The following RAB38 variants were observed in gnomAD, a reference collection of about 807,000 sequenced individuals.
RAB38 encodes the protein ras-related protein Rab-38.
In RAB38, 15 loss-of-function variants were observed where a neutral mutation model predicts 18.4. That is an observed-to-expected ratio of 0.82 (90% CI 0.55 to 1.26). The LOEUF is 1.26. Ranked by LOEUF, RAB38 falls within the 50% of genes most tolerant of loss-of-function variation. The pLI is 0.00. For synonymous variants in RAB38, 101 were observed against 104.4 expected (o/e 0.97, Z 0.20); for missense variants, 294 against 267.4 (o/e 1.10, Z -0.69).
the RAB38 span, among the ~76,000 whole-genome samples, chr11:87,954,155 C>T: frequency 4.6e-5 from 7 of 151,980 alleles, no homozygotes; most frequent in Non-Finnish European, 1.0e-4. Context: ...AGTCTTGTGT[C>T]TGGTGGTTGA....
the RAB38 span, among the ~76,000 whole-genome samples, chr11:87,836,227 C>G: frequency 6.6e-6 from 1 of 152,084 alleles, no homozygotes; most frequent in Admixed American, 6.6e-5. Context: ...GACAATTTCA[C>G]CTCTGAAACA....
intron 2 of RAB38, among the ~76,000 whole-genome samples, chr11:88,123,729 T>C (rs1942657495): frequency 6.6e-6 from 1 of 152,354 alleles, no homozygotes; most frequent in East Asian, 1.9e-4. Flanking sequence ...TAATTTTCTT[T>C]GGCCTTACCT....
the RAB38 span, among the ~76,000 whole-genome samples, chr11:88,087,869 C>T: frequency 6.6e-6 from 1 of 151,932 alleles, no homozygotes; most frequent in East Asian, 2.0e-4. Context: ...GACCAGATCC[C>T]GTTTTGGTCA....
intron 2 of RAB38, among the ~76,000 whole-genome samples, chr11:88,148,756 C>T (rs302661): frequency 0.84 from 128,122 of 152,134 alleles, 54,289 homozygotes; most frequent in Middle Eastern, 0.93. Context: ...CTACAAACAT[C>T]TAATATTTGA....
At chr11:87,884,521 C>T in the RAB38 span, among the ~76,000 whole-genome samples, 16 of 151,912 alleles carry the variant, frequency 1.1e-4, no homozygotes, top group African/African-American at 3.9e-4. Flanking sequence ...TGGGCCTTCA[C>T]ATAGCAATGG....
At chr11:88,131,657 C>A (rs1272368210) in intron 2 of RAB38, among the ~76,000 whole-genome samples, 1 of 152,144 alleles carries the variant, frequency 6.6e-6, no homozygotes, top group East Asian at 1.9e-4. Context: ...TGTTACACAC[C>A]TTTTACTCTT....
At chr11:87,859,115 C>G in the RAB38 span, among the ~76,000 whole-genome samples, 1 of 151,500 alleles carries the variant, frequency 6.6e-6, no homozygotes, top group Non-Finnish European at 1.5e-5. Context: ...CACAATACCT[C>G]ACAATATACA....
chr11:87,820,854 A>G, the RAB38 span, among the ~76,000 whole-genome samples: 1 of 152,248 alleles, frequency 6.6e-6, no homozygotes, highest in South Asian at 2.1e-4. Context: ...AATAGTTTAA[A>G]TAGCACAGGT....
the RAB38 span, among the ~76,000 whole-genome samples, chr11:87,875,685 CTTAG>C: frequency 0.023 from 3,526 of 151,254 alleles, 69 homozygotes; most frequent in African/African-American, 0.06. Context: ...TTTTAATTTC[CTTAG>C]TTAGATTTTT....
At chr11:88,023,801 A>G in the RAB38 span, among the ~76,000 whole-genome samples, 1 of 152,222 alleles carries the variant, frequency 6.6e-6, no homozygotes, top group African/African-American at 2.4e-5. Context: ...GAAAAAATAC[A>G]ATCTCTTCAA....
the RAB38 span, among the ~76,000 whole-genome samples, chr11:88,031,326 G>T: frequency 2.0e-5 from 3 of 148,482 alleles, no homozygotes; most frequent in Non-Finnish European, 4.5e-5. Context: ...CACAAGACAG[G>T]GATGTCCTCT....
At chr11:87,960,527 C>T in the RAB38 span, among the ~76,000 whole-genome samples, 1 of 152,098 alleles carries the variant, frequency 6.6e-6, no homozygotes, top group Non-Finnish European at 1.5e-5. Context: ...GTGTCATGCA[C>T]TGTTTTCATT....
chr11:87,951,873 C>A, the RAB38 span, among the ~76,000 whole-genome samples: 1 of 152,126 alleles, frequency 6.6e-6, no homozygotes, highest in Non-Finnish European at 1.5e-5. Context: ...GCAGTCTGCC[C>A]GTTCTCAGAT....
the RAB38 span, among the ~76,000 whole-genome samples, chr11:87,862,497 G>GT: frequency 6.6e-6 from 1 of 151,828 alleles, no homozygotes; most frequent in South Asian, 2.1e-4. Context: ...AACACACACT[G>GT]GGGCCTATCA....
At chr11:87,948,591 A>T in the RAB38 span, among the ~76,000 whole-genome samples, 132 of 152,138 alleles carry the variant, frequency 8.7e-4, no homozygotes, top group African/African-American at 3.1e-3. Flanking sequence ...ATTTATTGAG[A>T]GTTTTTAGCA....
the RAB38 span, among the ~76,000 whole-genome samples, chr11:87,891,545 A>C: frequency 4.5e-4 from 69 of 151,920 alleles, no homozygotes; most frequent in Non-Finnish European, 7.8e-4. Context: ...AGGATCATCT[A>C]AAGAACCGAG....
At chr11:87,807,282 AT>A in the RAB38 span, among the ~76,000 whole-genome samples, 3 of 152,222 alleles carry the variant, frequency 2.0e-5, no homozygotes, top group Non-Finnish European at 4.4e-5. Context: ...CAAAATGCTA[AT>A]ACAAACAAAG....
At chr11:88,067,753 T>C in the RAB38 span, among the ~76,000 whole-genome samples, 54 of 151,834 alleles carry the variant, frequency 3.6e-4, no homozygotes, top group Non-Finnish European at 6.3e-4. Context: ...ACACAGGGTG[T>C]GGGTGGCAAG....
chr11:88,152,737 CA>C (rs1943078771), intron 1 of RAB38, among the ~76,000 whole-genome samples: 13 of 152,188 alleles, frequency 8.5e-5, no homozygotes, highest in Admixed American at 3.3e-4. Context: ...CTGATGAATT[CA>C]TCATAGTTAA....
Sources: allele counts gnomAD v4.1 joint callset (sites outside exome capture counted in the v4.1 genomes callset), GRCh38; gene constraint gnomAD v4.1.1; transcripts MANE v1.5; gene names NCBI Gene and HGNC (gene_info 2026-07-23, HGNC 2026-07-21).